Variants in DNAI3 observed in about 807,000 individuals in gnomAD.
DNAI3 encodes WD repeat domain 63.
DNAI3 carries 83 observed loss-of-function variants against 115.5 expected under a neutral mutation model. The ratio of observed to expected loss-of-function variants is 0.72; its 90% CI spans 0.60 to 0.86. The LOEUF (loss-of-function observed/expected upper bound fraction) is 0.86, where lower values mean the gene tolerates loss of function less well. DNAI3 is among the 40% of genes least tolerant of loss of function. The pLI, the probability that DNAI3 is intolerant of heterozygous loss-of-function variation, is 0.00. For synonymous variants in DNAI3, 320 were observed against 347.0 expected (o/e 0.92, Z 0.86); for missense variants, 1,004 against 1,075.8 (o/e 0.93, Z 0.93).
At chr1:85,109,381 G>A (rs1022347094) in intron 15 of DNAI3, among the ~76,000 whole-genome samples, 2 of 152,188 alleles carry the variant, frequency 1.3e-5, no homozygotes, top group Non-Finnish European at 2.9e-5. Flanking sequence ...GAGATAACTG[G>A]GAAATAATTG....
chr1:85,067,109 C>T (rs937712469), intron 1 of DNAI3, among the ~76,000 whole-genome samples: 1 of 152,154 alleles, frequency 6.6e-6, no homozygotes, highest in Non-Finnish European at 1.5e-5. Context: ...TAATCATTTT[C>T]CTTTCAGTTT....
At chr1:85,096,271 G>T (rs709767) in intron 11 of DNAI3, among the ~76,000 whole-genome samples, 1 of 151,578 alleles carries the variant, frequency 6.6e-6, no homozygotes, top group East Asian at 1.9e-4. Context: ...TGTGTTGCTG[G>T]GACTGAACCA....
At chr1:85,129,328 A>G (rs1656245072) in intron 21 of DNAI3, among the ~76,000 whole-genome samples, 1 of 152,254 alleles carries the variant, frequency 6.6e-6, no homozygotes, top group East Asian at 1.9e-4. Flanking sequence ...TGTATATACA[A>G]TGAACATTAA....
intron 3 of DNAI3, among the ~76,000 whole-genome samples, chr1:85,074,169 C>T (rs1211986393): frequency 1.3e-5 from 2 of 152,192 alleles, no homozygotes; most frequent in Non-Finnish European, 2.9e-5. Flanking sequence ...ATATTATCTT[C>T]CCACCTGCAA....
intron 1 of DNAI3, among the ~76,000 whole-genome samples, chr1:85,066,050 C>T (rs889037780): frequency 1.6e-4 from 25 of 152,072 alleles, no homozygotes; most frequent in African/African-American, 3.9e-4. Flanking sequence ...TTGTTGTTAA[C>T]GTAGAATCTA....
rs1191735046 is a variant in DNAI3 at position 85,126,675 on chromosome 1, C to T, written c.2277C>T (p.Cys759=). 6.2e-7 allele frequency: 1 copy of T among 1,614,104 alleles called. No individual in the cohort carries two copies. The highest frequency in any genetic ancestry group is 1.1e-5 in the South Asian group (1 of 91,084). The change falls in exon 20 of 23, where the codon TGC becomes TGT. Residue 759 remains cysteine (C), a synonymous_variant. Transcript: ENST00000294664. Reference sequence around the variant, plus strand: ...AACCAGCCCAGTCTCAAAACATTTGCATAACTATGATCACCTACATCAAAC... The same window carrying T: ...AACCAGCCCAGTCTCAAAACATTTGTATAACTATGATCACCTACATCAAAC... ...THEPAQSQNI[C]ITMITYIKPW... is the part of the protein sequence containing the mutation.
At chr1:85,111,517 G>GCCTA (rs1215683870) in intron 16 of DNAI3, among the ~76,000 whole-genome samples, 1 of 152,072 alleles carries the variant, frequency 6.6e-6, no homozygotes, top group Non-Finnish European at 1.5e-5. Flanking sequence ...AGGCCCCAGG[G>GCCTA]GTACGATGGT....
At chr1:85,084,354 C>T (rs1654731584) in intron 5 of DNAI3, among the ~76,000 whole-genome samples, 192 bp from the exon 6 acceptor site, 1 of 142,794 alleles carries the variant, frequency 7.0e-6, no homozygotes, top group African/African-American at 2.6e-5. Context: ...ATGCTTGATA[C>T]CTCTTTTTTC....
intron 8 of DNAI3, among the ~76,000 whole-genome samples, chr1:85,092,589 A>G (rs1655010592): frequency 3.3e-5 from 5 of 152,162 alleles, no homozygotes; most frequent in Admixed American, 3.3e-4. Flanking sequence ...CTATCATAGT[A>G]ACTACTTTAA....
At chr1:85,123,263 C>G (rs1328863397) in intron 18 of DNAI3, among the ~76,000 whole-genome samples, 1 of 152,184 alleles carries the variant, frequency 6.6e-6, no homozygotes. Context: ...CCATTCTCCC[C>G]ACAACAGCCA....
intron 21 of DNAI3, among the ~76,000 whole-genome samples, chr1:85,129,465 C>T (rs941962256): frequency 1.7e-3 from 42 of 24,698 alleles, no homozygotes; most frequent in African/African-American, 2.9e-3. Context: ...TCTATGCCTA[C>T]ACTCGAAGCC....
chr1:85,128,771 G>A lies in DNAI3; in HGVS notation c.2381G>A (p.Trp794Ter), dbSNP rs1224954797. Reference sequence around the variant, plus strand: ...ACACTGCATATATTAGAAATTCCTTGGACATTAAGTCGCCCTTCCACCAAT... The same window carrying A: ...ACACTGCATATATTAGAAATTCCTTAGACATTAAGTCGCCCTTCCACCAAT... ...YGTLHILEIP[W>*]TLSRPSTNEM... is the part of the protein sequence containing the mutation. Residue 794 changes from tryptophan (W) to a stop codon, truncating the protein, a stop_gained, in exon 21 of 23, where the codon TGG (tryptophan) becomes TAG (stop). Transcript: ENST00000294664. LOFTEE classifies it high-confidence loss of function. 1.2e-6 allele frequency: 2 copies of A among 1,612,926 alleles called. No individual in the cohort carries two copies. The highest frequency in any genetic ancestry group is 1.3e-5 in the African/African-American group (1 of 74,792).
chr1:85,071,897 A>G (rs773992566), intron 1 of DNAI3, 31 bp from the exon 2 acceptor site: 1 of 1,575,906 alleles, frequency 6.3e-7, no homozygotes. Flanking sequence ...AAATTGTAAC[A>G]ATTTACTAAT....
In DNAI3 at chr1:85,062,489, A is replaced by T. The variant is rs1653959494; in HGVS notation, c.-15+3A>T. 6.6e-6 allele frequency: 1 copy of T among 152,340 alleles called. No individual in the cohort carries two copies. Among genetic ancestry groups the T allele is most frequent in the South Asian group, 2.1e-4 (1 of 4,832 alleles). The allele number at this position is 152,340 out of a possible 1,614,324, so 9.4% of individuals were successfully genotyped here. On this transcript the variant is annotated splice_donor_region_variant and intron_variant, in intron 1 of 22. Coordinates refer to ENST00000294664, the MANE Select transcript of DNAI3 (RefSeq NM_145172.5). ...TTCTTTCAGATCAGCAGTATCAGGT[A>T]AGAGAAGCTCTGAATGGGAAAGGCG...
chr1:85,084,516 C>T (rs1482621980), intron 5 of DNAI3, 30 bp from the exon 6 acceptor site: 2 of 1,337,238 alleles, frequency 1.5e-6, no homozygotes, highest in Non-Finnish European at 1.9e-6. Flanking sequence ...CTTGGGCATA[C>T]ATTGTAGAAT....
Position 85,081,422 on chromosome 1 carries a change from A to G in DNAI3, c.285+7A>G, listed in dbSNP as rs1654628705. The G allele has an allele frequency of 6.5e-7, 1 of 1,546,720 alleles. No homozygotes were observed. ...AGTCAAAAAAATTGTCCAGGTAAGC[A>G]CAATATCCCTATTTATTTTCAGTCC... is the stretch of plus-strand genomic sequence containing the variant. On this transcript the variant is annotated splice_region_variant and intron_variant, in intron 4 of 22. Coordinates refer to ENST00000294664, the MANE Select transcript of DNAI3 (RefSeq NM_145172.5).
intron 1 of DNAI3, among the ~76,000 whole-genome samples, chr1:85,070,749 T>C (rs1307328215): frequency 2.0e-5 from 3 of 152,244 alleles, no homozygotes; most frequent in Non-Finnish European, 2.9e-5. Context: ...GCACAACTAT[T>C]ATATGTCAAT....
intron 17 of DNAI3, among the ~76,000 whole-genome samples, chr1:85,119,310 C>A (rs1293545749): frequency 2.6e-5 from 4 of 152,334 alleles, no homozygotes; most frequent in Non-Finnish European, 5.9e-5. Context: ...AACTGGGCGT[C>A]TGTACGCACT....
chr1:85,081,446 C>T (rs769147279), intron 4 of DNAI3, 31 bp downstream of exon 4: 2 of 1,508,392 alleles, frequency 1.3e-6, no homozygotes, highest in East Asian at 2.5e-5. Context: ...TATTTTCAGT[C>T]CTACCTCAAG....
Sources: allele counts gnomAD v4.1 joint callset (sites outside exome capture counted in the v4.1 genomes callset), GRCh38; gene constraint gnomAD v4.1.1; transcripts MANE v1.5; gene names NCBI Gene and HGNC (gene_info 2026-07-23, HGNC 2026-07-21).